The following RAPGEF6 variants were observed in gnomAD, a reference collection of about 807,000 sequenced individuals.
RAPGEF6 encodes Rap guanine nucleotide exchange factor 6, also known as PDZ domain containing guanine nucleotide exchange factor (GEF) 2.
Under a neutral mutation model 171.4 loss-of-function variants are expected in RAPGEF6, and 56 were observed. The observed-to-expected ratio is 0.33, with a 90% confidence interval of 0.26 to 0.41. RAPGEF6 has a LOEUF of 0.41. Among genes scored for constraint, RAPGEF6 ranks in the 10% least tolerant of loss-of-function variants. The pLI is 1.00. For synonymous variants in RAPGEF6, 692 were observed against 650.1 expected (o/e 1.06, Z -0.98); for missense variants, 1,674 against 1,921.4 (o/e 0.87, Z 2.41).
intron 6 of RAPGEF6, among the ~76,000 whole-genome samples, chr5:131,534,140 T>A (rs779815659): frequency 1.4e-4 from 22 of 152,140 alleles, no homozygotes; most frequent in South Asian, 4.1e-4. Context: ...TTTATTTACC[T>A]AACACTTTTA....
At chr5:131,627,693 T>C (rs1766023162) in intron 1 of RAPGEF6, among the ~76,000 whole-genome samples, 1 of 152,230 alleles carries the variant, frequency 6.6e-6, no homozygotes, top group East Asian at 1.9e-4. Flanking sequence ...CTCTGTTTTA[T>C]TGTGCTTGGC....
At chr5:131,523,515 G>A (rs909977195) in intron 6 of RAPGEF6, among the ~76,000 whole-genome samples, 3 of 151,692 alleles carry the variant, frequency 2.0e-5, no homozygotes, top group African/African-American at 7.2e-5. Flanking sequence ...CCAACAAGTG[G>A]GCTTAATTAA....
At chr5:131,464,368 C>T (rs1229074555) in intron 17 of RAPGEF6, 87 bp from the exon 18 acceptor site, 6 of 926,170 alleles carry the variant, frequency 6.5e-6, no homozygotes, top group African/African-American at 1.6e-5. Context: ...ACAGTGATCC[C>T]TCTGAACACT....
At chr5:131,595,839 T>C (rs1248880130) in intron 3 of RAPGEF6, among the ~76,000 whole-genome samples, 1 of 25,590 alleles carries the variant, frequency 3.9e-5, no homozygotes, top group Non-Finnish European at 1.2e-4. Context: ...CACCTCACTG[T>C]TAAAGACATA....
chr5:131,495,739 A>C (rs1298032085), intron 12 of RAPGEF6, 79 bp from the exon 13 acceptor site: 1 of 1,507,296 alleles, frequency 6.6e-7, no homozygotes, highest in African/African-American at 1.4e-5. Context: ...AGCATGTCTA[A>C]AACTCATGAA....
chr5:131,479,833 A>T, intron 15 of RAPGEF6, 80 bp from the exon 16 acceptor site: 1 of 1,406,892 alleles, frequency 7.1e-7, no homozygotes, highest in Non-Finnish European at 9.7e-7. Flanking sequence ...TTAAGGATAA[A>T]CACAGTGACT....
chr5:131,563,884 G>T (rs915725446), intron 4 of RAPGEF6, among the ~76,000 whole-genome samples: 1 of 152,042 alleles, frequency 6.6e-6, no homozygotes, highest in African/African-American at 2.4e-5. Context: ...ATTTAAAAAA[G>T]CAAATCTGTA....
chr5:131,490,440 T>C (rs1756205583), intron 14 of RAPGEF6, among the ~76,000 whole-genome samples: 1 of 152,036 alleles, frequency 6.6e-6, no homozygotes, highest in East Asian at 1.9e-4. Context: ...AAATGTCTCA[T>C]CTAGTACCAT....
chr5:131,592,284 G>C, intron 4 of RAPGEF6, 99 bp downstream of exon 4: 3 of 1,488,272 alleles, frequency 2.0e-6, no homozygotes, highest in Non-Finnish European at 2.7e-6. Context: ...AACAAGCAAA[G>C]ACATTTAAAA....
chr5:131,547,069 A>C (rs978243415), intron 6 of RAPGEF6, among the ~76,000 whole-genome samples: 6 of 152,216 alleles, frequency 3.9e-5, no homozygotes, highest in African/African-American at 7.2e-5. Context: ...GATATGATAA[A>C]TTTTAGGACT....
intron 1 of RAPGEF6, among the ~76,000 whole-genome samples, chr5:131,614,452 C>G (rs1765147938): frequency 6.6e-6 from 1 of 152,074 alleles, no homozygotes; most frequent in Non-Finnish European, 1.5e-5. Flanking sequence ...GGGAAGCAAG[C>G]ACATCTCGAC....
intron 26 of RAPGEF6, among the ~76,000 whole-genome samples, chr5:131,430,315 T>C: frequency 6.6e-6 from 1 of 151,708 alleles, no homozygotes; most frequent in Non-Finnish European, 1.5e-5. Flanking sequence ...GATGGCCAAA[T>C]ACTAAAAAAA....
chr5:131,471,350 C>G (rs1754723280), intron 17 of RAPGEF6, among the ~76,000 whole-genome samples: 1 of 152,120 alleles, frequency 6.6e-6, no homozygotes, highest in South Asian at 2.1e-4. Flanking sequence ...GCAGAATGAC[C>G]TTCACTAAAC....
At chr5:131,565,529 C>T (rs971397857) in intron 4 of RAPGEF6, among the ~76,000 whole-genome samples, 1 of 152,020 alleles carries the variant, frequency 6.6e-6, no homozygotes, top group Non-Finnish European at 1.5e-5. Flanking sequence ...TGTAAAGAGC[C>T]TAAAATAGCT....
chr5:131,613,444 CATATATAT>C (rs36091475), intron 1 of RAPGEF6, among the ~76,000 whole-genome samples: 1 of 149,304 alleles, frequency 6.7e-6, no homozygotes, highest in Non-Finnish European at 1.5e-5. Flanking sequence ...TCTCTCTCTT[CATATATAT>C]ATATATATGT....
chr5:131,436,103 C>T (rs1239911398), intron 24 of RAPGEF6: 2 of 1,537,850 alleles, frequency 1.3e-6, no homozygotes, highest in Non-Finnish European at 1.7e-6. Flanking sequence ...CTTTCTGTAG[C>T]TTGATTGTGA....
At chr5:131,539,716 A>C (rs1760009290) in intron 6 of RAPGEF6, among the ~76,000 whole-genome samples, 1 of 152,132 alleles carries the variant, frequency 6.6e-6, no homozygotes, top group South Asian at 2.1e-4. Context: ...CCTAATAATC[A>C]CCTCTTATTG....
chr5:131,608,792 C>T (rs1359940080), intron 1 of RAPGEF6, among the ~76,000 whole-genome samples: 1 of 151,768 alleles, frequency 6.6e-6, no homozygotes, highest in Non-Finnish European at 1.5e-5. Flanking sequence ...CTCTCTCTTG[C>T]TTCCTCCCTT....
At chr5:131,516,744 A>G (rs1758109704) in intron 7 of RAPGEF6, among the ~76,000 whole-genome samples, 1 of 152,234 alleles carries the variant, frequency 6.6e-6, no homozygotes, top group Non-Finnish European at 1.5e-5. Context: ...GATGCAGAAA[A>G]TATTCTATCT....
Sources: gnomAD v4.1 joint callset for allele counts (sites outside exome capture counted in the v4.1 genomes callset) on GRCh38, gnomAD v4.1.1 for gene constraint, MANE v1.5 for transcripts, NCBI Gene and HGNC (gene_info 2026-07-23, HGNC 2026-07-21) for gene names.